The following RASAL2 variants were observed in gnomAD, a reference collection of about 807,000 sequenced individuals.
RASAL2 encodes the protein ras GTPase-activating protein nGAP.
In RASAL2, 58 loss-of-function variants were observed where a neutral mutation model predicts 128.9. That is an observed-to-expected ratio of 0.45 (90% CI 0.36 to 0.56). RASAL2 has a LOEUF of 0.56. RASAL2 is among the 20% of genes least tolerant of loss of function. The probability of loss-of-function intolerance (pLI) is 0.00; values close to 1 mark genes in which losing one functional copy is unlikely to be tolerated. For missense variants in RASAL2, 1,360 were observed against 1,601.6 expected (o/e 0.85, Z 2.57); for synonymous variants, 561 against 580.8 (o/e 0.97, Z 0.49).
chr1:178,254,680 C>T (rs1208320249), intron 1 of RASAL2, among the ~76,000 whole-genome samples: 3 of 152,170 alleles, frequency 2.0e-5, no homozygotes, highest in African/African-American at 7.2e-5. Context: ...CATCTTTCCT[C>T]AGCTCCTTGT....
chr1:178,462,384 G>C (rs1025514500), intron 14 of RASAL2, among the ~76,000 whole-genome samples: 1 of 152,074 alleles, frequency 6.6e-6, no homozygotes, highest in Non-Finnish European at 1.5e-5. Flanking sequence ...TATTTAACTA[G>C]TCAGTATCAT....
chr1:178,451,545 T>C (rs1677375570), intron 9 of RASAL2, 26 bp from the exon 10 acceptor site: 1 of 1,609,176 alleles, frequency 6.2e-7, no homozygotes, highest in Non-Finnish European at 8.5e-7. Flanking sequence ...TTTATAGCTA[T>C]ACCGTTATCT....
chr1:178,170,597 G>A (rs1294980884), intron 1 of RASAL2, among the ~76,000 whole-genome samples: 1 of 151,262 alleles, frequency 6.6e-6, no homozygotes, highest in African/African-American at 2.4e-5. Context: ...TTTACTTGGA[G>A]GTGGTTCTTT....
At chr1:178,351,398 C>T (rs545954286) in intron 3 of RASAL2, among the ~76,000 whole-genome samples, 1 of 152,250 alleles carries the variant, frequency 6.6e-6, no homozygotes, top group Non-Finnish European at 1.5e-5. Flanking sequence ...AGGCTAGTCC[C>T]TTTTGCCTAT....
intron 3 of RASAL2, among the ~76,000 whole-genome samples, chr1:178,337,081 GA>G (rs35794710): frequency 0.11 from 16,118 of 148,324 alleles, 904 homozygotes; most frequent in Middle Eastern, 0.14. Context: ...TGCCATTCCA[GA>G]AAAAAAAAAT....
intron 3 of RASAL2, among the ~76,000 whole-genome samples, chr1:178,314,961 C>T (rs918423493): frequency 2.2e-5 from 3 of 135,838 alleles, no homozygotes; most frequent in African/African-American, 8.3e-5. Flanking sequence ...CACCACAGTC[C>T]CCAGAGTGTG....
chr1:178,289,981 C>T (rs188364893), intron 2 of RASAL2, among the ~76,000 whole-genome samples: 107 of 152,284 alleles, frequency 7.0e-4, no homozygotes, highest in Admixed American at 2.5e-3. Context: ...CTTAGTAAGG[C>T]CAACCCTGAC....
At chr1:178,456,419 G>T in intron 12 of RASAL2, 1 of 435,362 alleles carries the variant, frequency 2.3e-6, no homozygotes, top group Non-Finnish European at 4.2e-6. Flanking sequence ...ATTTTAGTTG[G>T]AATGGCATTA....
intron 1 of RASAL2, among the ~76,000 whole-genome samples, chr1:178,259,292 G>A (rs1395550454): frequency 2.0e-5 from 3 of 151,388 alleles, no homozygotes; most frequent in Non-Finnish European, 2.9e-5. Context: ...CACCACGCCC[G>A]GCTAATTTTT....
rs535951910 is a variant in RASAL2 at position 178,211,496 on chromosome 1, A to G, written c.203-72068A>G. On this transcript the variant is annotated intron_variant, in intron 1 of 17. Transcript: ENST00000367649. Reference sequence around the variant, plus strand: ...TTCTTTAATAAGGAAGAAACTCACTATTCCTCCCTTGATCTGCCTCTACAG... The same window carrying G: ...TTCTTTAATAAGGAAGAAACTCACTGTTCCTCCCTTGATCTGCCTCTACAG... 2.4e-3 allele frequency among the ~76,000 whole-genome samples: 363 copies of G among 152,264 alleles called. 2 individuals are homozygous for G. The highest frequency in any genetic ancestry group is 8.5e-3 in the African/African-American group (352 of 41,564).
intron 3 of RASAL2, among the ~76,000 whole-genome samples, chr1:178,354,967 T>A (rs185903028): frequency 6.6e-6 from 1 of 152,232 alleles, no homozygotes; most frequent in East Asian, 1.9e-4. Context: ...CTACAAAAAA[T>A]TTGAAAATTA....
chr1:178,307,479 A>G (rs542156488), intron 3 of RASAL2, among the ~76,000 whole-genome samples: 3 of 152,292 alleles, frequency 2.0e-5, no homozygotes, highest in Non-Finnish European at 4.4e-5. Flanking sequence ...TTTCAAGAGG[A>G]GGTAGTAGGG....
At chr1:178,355,662 G>A (rs1571915815) in intron 3 of RASAL2, among the ~76,000 whole-genome samples, 1 of 152,116 alleles carries the variant, frequency 6.6e-6, no homozygotes, top group Non-Finnish European at 1.5e-5. Context: ...ACTTCTGTTT[G>A]TCAAAAGACA....
intron 2 of RASAL2, among the ~76,000 whole-genome samples, chr1:178,284,686 T>C (rs1476586587): frequency 6.6e-6 from 1 of 152,218 alleles, no homozygotes; most frequent in Non-Finnish European, 1.5e-5. Context: ...TCTGATCTGG[T>C]ATGATAAAAC....
chr1:178,311,279 C>CAT (rs1203670505), intron 3 of RASAL2, among the ~76,000 whole-genome samples: 1 of 151,698 alleles, frequency 6.6e-6, no homozygotes, highest in Admixed American at 6.6e-5. Context: ...CACACACACA[C>CAT]ACACACACAT....
intron 1 of RASAL2, among the ~76,000 whole-genome samples, chr1:178,182,301 C>A (rs898500622): frequency 5.9e-5 from 9 of 152,182 alleles, no homozygotes; most frequent in Non-Finnish European, 1.2e-4. Flanking sequence ...TTTGGCACTA[C>A]AAGATGCTCC....
chr1:178,132,216 A>T (rs1202841439), intron 1 of RASAL2, among the ~76,000 whole-genome samples: 2 of 149,438 alleles, frequency 1.3e-5, no homozygotes, highest in Non-Finnish European at 3.0e-5. Context: ...AATTTAAAAA[A>T]TTTTAAATTT....
chr1:178,446,994 A>T (rs899716557), intron 9 of RASAL2, among the ~76,000 whole-genome samples: 2 of 152,238 alleles, frequency 1.3e-5, no homozygotes, highest in Admixed American at 6.5e-5. Context: ...GGAAAAAGAC[A>T]TGAAAGAAAC....
At chr1:178,379,358 G>A (rs2102554107) in intron 3 of RASAL2, among the ~76,000 whole-genome samples, 1 of 150,746 alleles carries the variant, frequency 6.6e-6, no homozygotes, top group South Asian at 2.2e-4. Flanking sequence ...GAGTGACAGA[G>A]CAAGACCCTG....
Sources: gnomAD v4.1 joint callset for allele counts (sites outside exome capture counted in the v4.1 genomes callset) on GRCh38, gnomAD v4.1.1 for gene constraint, MANE v1.5 for transcripts, NCBI Gene and HGNC (gene_info 2026-07-23, HGNC 2026-07-21) for gene names.